Variants in BNC2 observed in about 807,000 individuals in gnomAD.
The protein encoded by BNC2 is zinc finger protein basonuclin-2.
A neutral mutation model predicts 76.3 loss-of-function variants in BNC2; 20 were observed. The ratio of observed to expected loss-of-function variants is 0.26; its 90% CI spans 0.18 to 0.38. The LOEUF (loss-of-function observed/expected upper bound fraction) is 0.38, where lower values mean the gene tolerates loss of function less well. BNC2 is among the 10% of genes least tolerant of loss of function. The probability of loss-of-function intolerance (pLI) is 1.00; values close to 1 mark genes in which losing one functional copy is unlikely to be tolerated. For synonymous variants in BNC2, 582 were observed against 514.8 expected, an observed-to-expected ratio of 1.13 and a Z score of -1.77; for missense variants, 1,382 against 1,399.8, an observed-to-expected ratio of 0.99 and a Z score of 0.20.
At chr9:16,507,579 C>A (rs895108830) in intron 5 of BNC2, among the ~76,000 whole-genome samples, 3 of 152,184 alleles carry the variant, frequency 2.0e-5, no homozygotes, top group Non-Finnish European at 4.4e-5. Context: ...CAGGCACGCA[C>A]CACCATGCCT....
At chr9:16,616,006 G>A (rs977677044) in intron 3 of BNC2, among the ~76,000 whole-genome samples, 5 of 152,148 alleles carry the variant, frequency 3.3e-5, no homozygotes, top group African/African-American at 9.7e-5. Context: ...GGTCACATTT[G>A]TTCAATTCCA....
At chr9:16,480,641 T>A (rs1822030526) in intron 5 of BNC2, among the ~76,000 whole-genome samples, 1 of 152,192 alleles carries the variant, frequency 6.6e-6, no homozygotes, top group African/African-American at 2.4e-5. Context: ...AATGAGGGGT[T>A]TAGCACCCGG....
intron 5 of BNC2, among the ~76,000 whole-genome samples, chr9:16,457,544 C>A (rs1436767411): frequency 6.6e-6 from 1 of 152,154 alleles, no homozygotes; most frequent in Non-Finnish European, 1.5e-5. Context: ...TGTAATTTCT[C>A]CAGCATTAAA....
intron 6 of BNC2, among the ~76,000 whole-genome samples, chr9:16,424,166 T>G (rs1587010287): frequency 1.3e-5 from 2 of 152,058 alleles, no homozygotes; most frequent in Admixed American, 1.3e-4. Context: ...TTAGATTTAA[T>G]GTGATGTCTG....
At chr9:16,460,362 C>A (rs917208904) in intron 5 of BNC2, among the ~76,000 whole-genome samples, 2 of 151,552 alleles carry the variant, frequency 1.3e-5, no homozygotes, top group African/African-American at 4.8e-5. Context: ...GTGGCTCATG[C>A]CTGTAATCCT....
intron 3 of BNC2, among the ~76,000 whole-genome samples, chr9:16,683,878 G>A (rs894489263): frequency 2.0e-5 from 3 of 152,066 alleles, no homozygotes; most frequent in Non-Finnish European, 2.9e-5. Flanking sequence ...ATCCTTCCAC[G>A]CAGTCCACCA....
At chr9:16,673,622 C>T (rs10756778) in intron 3 of BNC2, among the ~76,000 whole-genome samples, 105,759 of 152,038 alleles carry the variant, frequency 0.7, 37,910 homozygotes, top group African/African-American at 0.79. Context: ...TATTACTTCA[C>T]AAGGCTAACC....
chr9:16,506,251 G>C (rs1274413362), intron 5 of BNC2, among the ~76,000 whole-genome samples: 1 of 152,168 alleles, frequency 6.6e-6, no homozygotes, highest in African/African-American at 2.4e-5. Context: ...AAATACTTAT[G>C]TGAGAGTAGA....
chr9:16,845,047 C>T (rs972662266), intron 1 of BNC2, among the ~76,000 whole-genome samples: 7 of 152,106 alleles, frequency 4.6e-5, no homozygotes, highest in African/African-American at 1.7e-4. Flanking sequence ...AAGCCTAAAC[C>T]CCCTCCACCT....
At chr9:16,749,400 C>T (rs1825114737) in intron 1 of BNC2, among the ~76,000 whole-genome samples, 1 of 152,198 alleles carries the variant, frequency 6.6e-6, no homozygotes, top group East Asian at 1.9e-4. Flanking sequence ...GAGAAGAGAA[C>T]ATTCCAAATG....
At chr9:16,444,173 G>A (rs914562922) in intron 5 of BNC2, among the ~76,000 whole-genome samples, 4 of 152,094 alleles carry the variant, frequency 2.6e-5, no homozygotes, top group African/African-American at 9.7e-5. Flanking sequence ...GTGACATGGT[G>A]AGTCAACATG....
At chr9:16,850,614 A>T (rs950353478) in intron 1 of BNC2, among the ~76,000 whole-genome samples, 1 of 152,198 alleles carries the variant, frequency 6.6e-6, no homozygotes, top group Non-Finnish European at 1.5e-5. Flanking sequence ...CCATGCCTGT[A>T]ATTCCACCAC....
At chr9:16,780,257 C>CAAAA (rs1212395782) in intron 1 of BNC2, among the ~76,000 whole-genome samples, 1 of 78,694 alleles carries the variant, frequency 1.3e-5, no homozygotes, top group Non-Finnish European at 2.7e-5. Context: ...AAAAAAAAAA[C>CAAAA]AAAAAAAAAC....
chr9:16,557,486 G>A (rs567189472), intron 4 of BNC2, among the ~76,000 whole-genome samples: 2 of 151,172 alleles, frequency 1.3e-5, no homozygotes, highest in African/African-American at 4.9e-5. Context: ...GCGACAGAGT[G>A]AGACTCTGTC....
intron 3 of BNC2, among the ~76,000 whole-genome samples, chr9:16,716,455 C>CT (rs543378329): frequency 0.01 from 1,546 of 151,338 alleles, 8 homozygotes; most frequent in Middle Eastern, 0.017. Flanking sequence ...TTTATATCTA[C>CT]TTTTTTTTTA....
intron 3 of BNC2, among the ~76,000 whole-genome samples, chr9:16,604,220 C>A (rs530209177): frequency 6.6e-6 from 1 of 152,100 alleles, no homozygotes. Flanking sequence ...TTAATTAGAA[C>A]CTCTTTCTCT....
At chr9:16,850,052 T>C (rs139424425) in intron 1 of BNC2, among the ~76,000 whole-genome samples, 1 of 152,314 alleles carries the variant, frequency 6.6e-6, no homozygotes, top group Non-Finnish European at 1.5e-5. Context: ...AGGTAGGTTA[T>C]CTGTCAACCT....
chr9:16,589,048 T>C (rs1819849085), intron 3 of BNC2, among the ~76,000 whole-genome samples: 1 of 152,282 alleles, frequency 6.6e-6, no homozygotes, highest in East Asian at 1.9e-4. Flanking sequence ...CTAATCATAA[T>C]GAGAGGGGAA....
At chr9:16,868,381 T>C (rs1819594117) in intron 1 of BNC2, among the ~76,000 whole-genome samples, 1 of 150,270 alleles carries the variant, frequency 6.7e-6, no homozygotes, top group African/African-American at 2.5e-5. Context: ...TTTTGTCTGC[T>C]TCTTTTTGTA....
Sources: allele counts gnomAD v4.1 joint callset (sites outside exome capture counted in the v4.1 genomes callset), GRCh38; gene constraint gnomAD v4.1.1; transcripts MANE v1.5; gene names NCBI Gene and HGNC (gene_info 2026-07-23, HGNC 2026-07-21).